Variants in MAGI2 observed in about 807,000 individuals in gnomAD.
The protein encoded by MAGI2 is membrane-associated guanylate kinase, WW and PDZ domain-containing protein 2.
MAGI2 carries 35 observed loss-of-function variants against 133.3 expected under a neutral mutation model. That is an observed-to-expected ratio of 0.26 (90% CI 0.20 to 0.35). The LOEUF is 0.35. MAGI2 is among the 10% of genes least tolerant of loss of function. The pLI, the probability that MAGI2 is intolerant of heterozygous loss-of-function variation, is 1.00. For synonymous variants in MAGI2, 729 were observed against 710.6 expected, an observed-to-expected ratio of 1.03 and a Z score of -0.41; for missense variants, 1,636 against 1,863.4, an observed-to-expected ratio of 0.88 and a Z score of 2.25.
intron 6 of MAGI2, among the ~76,000 whole-genome samples, chr7:78,461,903 C>T (rs905277788): frequency 2.4e-4 from 4 of 16,968 alleles, no homozygotes; most frequent in African/African-American, 8.0e-4. Context: ...AAGAGCAAAG[C>T]AAAATTCCGT....
chr7:78,278,502 T>C (rs1463016151), intron 9 of MAGI2, among the ~76,000 whole-genome samples: 1 of 152,162 alleles, frequency 6.6e-6, no homozygotes, highest in African/African-American at 2.4e-5. Context: ...GTGGAAGATT[T>C]TTCTGTTCAT....
chr7:78,236,044 T>C (rs1268359599), intron 10 of MAGI2, among the ~76,000 whole-genome samples: 2 of 145,012 alleles, frequency 1.4e-5, no homozygotes, highest in South Asian at 2.1e-4. Context: ...TTTTTTTTTT[T>C]CTGAGTGAGG....
chr7:78,580,293 G>A (rs1007107290), intron 3 of MAGI2, among the ~76,000 whole-genome samples: 1 of 152,146 alleles, frequency 6.6e-6, no homozygotes, highest in African/African-American at 2.4e-5. Context: ...GAATATCAAT[G>A]GATTAAAAGA....
At chr7:78,494,198 T>C (rs1793886669) in intron 5 of MAGI2, among the ~76,000 whole-genome samples, 1 of 152,092 alleles carries the variant, frequency 6.6e-6, no homozygotes, top group Non-Finnish European at 1.5e-5. Flanking sequence ...GCTCAAGCAA[T>C]CTGCCTGCCT....
At chr7:78,688,082 T>C (rs937111968) in intron 2 of MAGI2, among the ~76,000 whole-genome samples, 5 of 151,898 alleles carry the variant, frequency 3.3e-5, no homozygotes, top group Admixed American at 1.3e-4. Flanking sequence ...AAATAATGTG[T>C]TAATCACATT....
At chr7:78,684,234 C>T (rs752729359) in intron 2 of MAGI2, among the ~76,000 whole-genome samples, 2 of 151,946 alleles carry the variant, frequency 1.3e-5, no homozygotes, top group Non-Finnish European at 2.9e-5. Context: ...ATAAACTAGG[C>T]CTTGTATTTT....
chr7:78,953,989 A>G (rs62467732), intron 2 of MAGI2, among the ~76,000 whole-genome samples: 5,391 of 152,238 alleles, frequency 0.035, 160 homozygotes, highest in South Asian at 0.13. Context: ...GAAATTTTCA[A>G]ATGGAACAAT....
intron 1 of MAGI2, among the ~76,000 whole-genome samples, chr7:79,254,833 A>T (rs1833572191): frequency 6.6e-6 from 1 of 152,194 alleles, no homozygotes; most frequent in Admixed American, 6.5e-5. Flanking sequence ...TGAAGAGACA[A>T]TTAAGGGCAC....
At chr7:78,898,790 C>T (rs943260332) in intron 2 of MAGI2, among the ~76,000 whole-genome samples, 5 of 152,096 alleles carry the variant, frequency 3.3e-5, no homozygotes, top group African/African-American at 1.2e-4. Context: ...TGCACATGTA[C>T]CCCTGAACTT....
intron 10 of MAGI2, among the ~76,000 whole-genome samples, chr7:78,243,265 ACACACTCTCTCTCTCT>A (rs1479237721): frequency 9.7e-4 from 41 of 42,204 alleles, no homozygotes; most frequent in African/African-American, 2.5e-3. Context: ...ACACACACAC[ACACACTCTCTCTCTCT>A]CTCTCTTATA....
rs3086258 is a variant in MAGI2 at position 78,775,320 on chromosome 7, TAAAAAAAAAAAAAAAAAA to T, written c.419-148099_419-148082del. Among the ~76,000 whole-genome samples, 571 of 57,390 alleles carry T rather than the reference TAAAAAAAAAAAAAAAAAA, an allele frequency of 9.9e-3. 11 individuals are homozygous for T. Among genetic ancestry groups the T allele is most frequent in the African/African-American group, 0.037 (538 of 14,384 alleles). The allele number at this position is 57,390 out of a possible 152,430, so 37.7% of individuals were successfully genotyped here. On this transcript the variant is annotated intron_variant, in intron 2 of 21. Transcript: ENST00000354212. Reference sequence around the variant, plus strand: ...AGAGCGAGACTCTGTCGTCTCAAATTAAAAAAAAAAAAAAAAAAAAAAAAAAAAAAAAAAAAGGAAGCC... The same window carrying T: ...AGAGCGAGACTCTGTCGTCTCAAATTAAAAAAAAAAAAAAAAAAGGAAGCC...
At chr7:78,951,566 C>G (rs1181384588) in intron 2 of MAGI2, among the ~76,000 whole-genome samples, 16 of 152,170 alleles carry the variant, frequency 1.1e-4, no homozygotes, top group Admixed American at 1.0e-3. Flanking sequence ...CAACAGGTCC[C>G]TCCCATGACA....
chr7:79,376,457 C>T (rs1212288865), intron 1 of MAGI2, among the ~76,000 whole-genome samples: 2 of 151,836 alleles, frequency 1.3e-5, no homozygotes, highest in Non-Finnish European at 2.9e-5. Flanking sequence ...TACAACATAG[C>T]ATTAGGCTTC....
chr7:78,640,566 C>G (rs1337082396), intron 2 of MAGI2, among the ~76,000 whole-genome samples: 2 of 152,000 alleles, frequency 1.3e-5, no homozygotes, highest in African/African-American at 4.8e-5. Context: ...TTAGAGAGAT[C>G]AAGACAACAC....
At position 78,925,943 on chromosome 7, in the gene MAGI2, C is replaced by T. The variant is rs146362928; in HGVS notation, c.418+81147G>A. Among the ~76,000 whole-genome samples, 689 of 152,100 alleles carry T rather than the reference C, an allele frequency of 4.5e-3. 21 individuals carry two copies. The highest frequency in any genetic ancestry group is 0.038 in the Admixed American group (576 of 15,228). The stretch of plus-strand genomic sequence containing the variant: ...CAAACATTTGAGAATGATTGCTGTT[C>T]ACATTACATGCCCATTGCTTTTTTA... On this transcript the variant is annotated intron_variant, in intron 2 of 21. Transcript: ENST00000354212.
chr7:78,922,094 A>T (rs904967437), intron 2 of MAGI2, among the ~76,000 whole-genome samples: 3 of 151,916 alleles, frequency 2.0e-5, no homozygotes, highest in Non-Finnish European at 2.9e-5. Flanking sequence ...GTTGGTTCTT[A>T]GCAAAGTTAT....
At chr7:78,969,651 C>T (rs1322601751) in intron 2 of MAGI2, among the ~76,000 whole-genome samples, 2 of 152,052 alleles carry the variant, frequency 1.3e-5, no homozygotes, top group Non-Finnish European at 2.9e-5. Context: ...AATTCACTTA[C>T]TTTGAAGTAA....
chr7:79,264,527 C>T (rs186202452), intron 1 of MAGI2, among the ~76,000 whole-genome samples: 78 of 152,242 alleles, frequency 5.1e-4, no homozygotes, highest in African/African-American at 1.7e-3. Context: ...AAGCTTACTA[C>T]ACATGTAAAT....
intron 19 of MAGI2, among the ~76,000 whole-genome samples, chr7:78,126,193 G>GGGGTGTGT (rs1554461464): frequency 1.3e-5 from 2 of 149,010 alleles, no homozygotes; most frequent in African/African-American, 5.0e-5. Flanking sequence ...ATAAATGTCA[G>GGGGTGTGT]GTGTGTGTGT....
Sources: gnomAD v4.1 joint callset for allele counts (sites outside exome capture counted in the v4.1 genomes callset) on GRCh38, gnomAD v4.1.1 for gene constraint, MANE v1.5 for transcripts, NCBI Gene and HGNC (gene_info 2026-07-23, HGNC 2026-07-21) for gene names.